PREX2: variants seen among roughly 807,000 people sequenced by gnomAD.
PREX2 encodes the protein phosphatidylinositol 3,4,5-trisphosphate-dependent Rac exchanger 2 protein.
A neutral mutation model predicts 203.2 loss-of-function variants in PREX2; 107 were observed. That is an observed-to-expected ratio of 0.53 (90% CI 0.45 to 0.62). The LOEUF (loss-of-function observed/expected upper bound fraction) is 0.62, where lower values mean the gene tolerates loss of function less well. Ranked by LOEUF, PREX2 falls within the 20% of genes least tolerant of loss-of-function variation. PREX2 has a pLI of 0.00. For missense variants in PREX2, 1,777 were observed against 1,955.9 expected, an observed-to-expected ratio of 0.91 and a Z score of 1.72; for synonymous variants, 672 against 663.6, an observed-to-expected ratio of 1.01 and a Z score of -0.19.
chr8:68,208,645 G>C (rs1812688541), intron 37 of PREX2, among the ~76,000 whole-genome samples: 1 of 152,126 alleles, frequency 6.6e-6, no homozygotes, highest in Admixed American at 6.5e-5. Context: ...AAACTGAGCA[G>C]AATCATTTAC....
At chr8:68,174,475 T>C (rs1811940735) in intron 35 of PREX2, among the ~76,000 whole-genome samples, 1 of 152,180 alleles carries the variant, frequency 6.6e-6, no homozygotes, top group South Asian at 2.1e-4. Flanking sequence ...ACATTTTGGC[T>C]TGGCTTGGCT....
intron 31 of PREX2, 37 bp downstream of exon 31, chr8:68,127,456 G>C (rs747190679): frequency 6.7e-7 from 1 of 1,486,532 alleles, no homozygotes; most frequent in Non-Finnish European, 9.4e-7. Flanking sequence ...TACTATTTAA[G>C]TGATTGTGGC....
At chr8:68,005,255 C>A (rs1807060066) in intron 1 of PREX2, among the ~76,000 whole-genome samples, 2 of 152,148 alleles carry the variant, frequency 1.3e-5, no homozygotes, top group African/African-American at 4.8e-5. Flanking sequence ...ACAAACCCTG[C>A]CAGCAATAAC....
chr8:68,081,413 C>T (rs892663), intron 17 of PREX2, among the ~76,000 whole-genome samples: 80,986 of 151,706 alleles, frequency 0.53, 21,628 homozygotes, highest in South Asian at 0.56. Context: ...GGACCCCTGT[C>T]CTAGAGTCCT....
intron 18 of PREX2, among the ~76,000 whole-genome samples, chr8:68,086,569 C>T (rs914901747): frequency 6.6e-5 from 10 of 152,070 alleles, no homozygotes; most frequent in Admixed American, 1.3e-4. Flanking sequence ...TTCCCGGCTG[C>T]GATATCATAC....
chr8:68,151,784 A>G (rs76466170), intron 34 of PREX2, among the ~76,000 whole-genome samples: 3 of 124,214 alleles, frequency 2.4e-5, no homozygotes, highest in Non-Finnish European at 5.7e-5. Flanking sequence ...ACCTCCTATG[A>G]AAAAAAAAAA....
rs766601599 is a variant in PREX2 at position 67,971,426 on chromosome 8, T to G, written c.141+18891T>G. On this transcript the variant is annotated intron_variant, in intron 1 of 39. Coordinates refer to ENST00000288368, the MANE Select transcript of PREX2 (RefSeq NM_024870.4). The stretch of plus-strand genomic sequence containing the variant: ...AGGGTGGAAGTCAAGAATTGCTATT[T>G]TTAAAAAGCTCCCCAGGTGATTCTA... 8.5e-5 allele frequency among the ~76,000 whole-genome samples: 13 copies of G among 152,136 alleles called. 1 individual carries two copies. Among genetic ancestry groups the G allele is most frequent in the Non-Finnish European group, 8.8e-5 (6 of 68,030 alleles).
intron 25 of PREX2, among the ~76,000 whole-genome samples, chr8:68,112,493 ATGGTGG>A (rs538888493): frequency 2.0e-5 from 3 of 151,258 alleles, no homozygotes; most frequent in Admixed American, 6.6e-5. Context: ...ACAGATAGGA[ATGGTGG>A]TGGTGGTGGT....
chr8:67,970,678 A>G (rs1217870873), intron 1 of PREX2, among the ~76,000 whole-genome samples: 1 of 152,188 alleles, frequency 6.6e-6, no homozygotes, highest in Admixed American at 6.5e-5. Flanking sequence ...CAGAGTAAGA[A>G]ATATGAAATA....
At chr8:68,123,331 T>C (rs1310924308) in intron 30 of PREX2, among the ~76,000 whole-genome samples, 1 of 151,664 alleles carries the variant, frequency 6.6e-6, no homozygotes, top group East Asian at 1.9e-4. Context: ...AAAAGAACTA[T>C]AGAAGCAAGA....
rs201998695 is a variant in PREX2, at chr8:68,069,026, T to G, written c.1340-7T>G. ...GTTATTTTAATATAGTATTTCTATG[T>G]TCTTAGTTACTGATAAACATCAATT... On this transcript the variant is annotated splice_region_variant and splice_polypyrimidine_tract_variant and intron_variant, in intron 11 of 39. Transcript: ENST00000288368. The G allele has an allele frequency of 2.4e-6, 3 of 1,232,314 alleles. No individual in the cohort carries two copies. The allele number at this position is 1,232,314 out of a possible 1,614,324, so 76.3% of individuals were successfully genotyped here.
rs1389338667 is a variant in PREX2 at position 68,019,439 on chromosome 8, A to G, written c.214-110A>G. 3 of 777,554 alleles carry G rather than the reference A, an allele frequency of 3.9e-6. No individual in the cohort carries two copies. The African/African-American group carries it at 5.4e-5, about 14-fold the overall frequency. The allele number at this position is 777,554 out of a possible 1,614,324, so 48.2% of individuals were successfully genotyped here. ...ATTGAGGCTCTGTCGGCAAGGTGGG[A>G]GGAAGGCATGGATGTATGGTTTTCA... On this transcript the variant is annotated intron_variant, in intron 2 of 39. Transcript: ENST00000288368.
intron 23 of PREX2, chr8:68,100,335 A>G: frequency 5.3e-6 from 2 of 379,262 alleles, no homozygotes; most frequent in Non-Finnish European, 1.0e-5. Flanking sequence ...CCAGGAATAT[A>G]GCAGGGAAGG....
chr8:68,026,227 T>C (rs1162081452), intron 4 of PREX2, among the ~76,000 whole-genome samples: 1 of 152,070 alleles, frequency 6.6e-6, no homozygotes, highest in Non-Finnish European at 1.5e-5. Flanking sequence ...ACACACATAT[T>C]GAGGCTGATA....
rs1451521604 is a variant in PREX2 at position 67,956,531 on chromosome 8, C to T, written c.141+3996C>T. ...CATGAAAGAAAAAAGCTTTATATTT[C>T]AGTACCTTTAATAGCATTCCCCCAC... is the stretch of plus-strand genomic sequence containing the variant. On this transcript the variant is annotated intron_variant, in intron 1 of 39. Coordinates refer to ENST00000288368, the MANE Select transcript of PREX2 (RefSeq NM_024870.4). Among the ~76,000 whole-genome samples the T allele has an allele frequency of 3.3e-5, 5 of 152,224 alleles. No individual in the cohort carries two copies. In the East Asian group the frequency reaches 7.7e-4, roughly 23 times the overall value.
chr8:67,973,668 C>G (rs1422062768), intron 1 of PREX2, among the ~76,000 whole-genome samples: 2 of 152,120 alleles, frequency 1.3e-5, no homozygotes, highest in East Asian at 1.9e-4. Flanking sequence ...TAACGCATAT[C>G]TTAGCACTTC....
chr8:67,978,718 GT>G (rs1246465096), intron 1 of PREX2, among the ~76,000 whole-genome samples: 2 of 152,000 alleles, frequency 1.3e-5, no homozygotes, highest in African/African-American at 4.8e-5. Flanking sequence ...TTTTTCAATG[GT>G]TTTATGATTG....
In PREX2 at chr8:68,060,744, G is replaced by A; in HGVS notation, c.1304G>A (p.Gly435Glu). The A allele has an allele frequency of 6.2e-7, 1 of 1,611,978 alleles. No individual in the cohort carries two copies. Among genetic ancestry groups the A allele is most frequent in the Non-Finnish European group, 8.5e-7 (1 of 1,179,048 alleles). ...AGGCCTGAGGAAGGCGTGCACTTGGGACAAGCATTATTAGAAAATGGAATC... is the reference window on the plus strand; with the variant it reads ...AGGCCTGAGGAAGGCGTGCACTTGGAACAAGCATTATTAGAAAATGGAATC... ...IHRPEEGVHL[G>E]QALLENGIIH... is the part of the protein sequence containing the mutation. The change falls in exon 11 of 40, where the codon GGA becomes GAA. Residue 435 changes from glycine to glutamate, a missense_variant. Gly to Glu is a moderately conservative substitution (Grantham distance 98). Coordinates refer to ENST00000288368, the MANE Select transcript of PREX2 (RefSeq NM_024870.4).
intron 19 of PREX2, among the ~76,000 whole-genome samples, chr8:68,090,142 T>C (rs1563539487): frequency 6.6e-6 from 1 of 152,234 alleles, no homozygotes; most frequent in Non-Finnish European, 1.5e-5. Flanking sequence ...CTTTTTTATG[T>C]GCATGTTAAA....
Sources: gnomAD v4.1 joint callset for allele counts (sites outside exome capture counted in the v4.1 genomes callset) on GRCh38, gnomAD v4.1.1 for gene constraint, MANE v1.5 for transcripts, NCBI Gene and HGNC (gene_info 2026-07-23, HGNC 2026-07-21) for gene names.